PIGU: variants seen among roughly 807,000 people sequenced by gnomAD.
The protein encoded by PIGU is phosphatidylinositol glycan anchor biosynthesis class U.
A neutral mutation model predicts 49.9 loss-of-function variants in PIGU; 24 were observed. That is an observed-to-expected ratio of 0.48 (90% confidence interval 0.35 to 0.68). The LOEUF (loss-of-function observed/expected upper bound fraction) is 0.68, where lower values mean the gene tolerates loss of function less well. Ranked by LOEUF, PIGU falls within the 30% of genes least tolerant of loss-of-function variation. The pLI is 0.01. For missense variants in PIGU, 490 were observed against 532.6 expected, an observed-to-expected ratio of 0.92 and a Z score of 0.79; for synonymous variants, 220 against 205.7, an observed-to-expected ratio of 1.07 and a Z score of -0.59.
At chr20:34,660,529 G>A (rs918004071) in intron 1 of PIGU, among the ~76,000 whole-genome samples, 7 of 152,230 alleles carry the variant, frequency 4.6e-5, no homozygotes, top group Admixed American at 1.3e-4. Context: ...AGGTTGCAAT[G>A]AGCCAAGATT....
intron 1 of PIGU, among the ~76,000 whole-genome samples, chr20:34,670,736 G>A (rs888532789): frequency 6.6e-6 from 1 of 151,856 alleles, no homozygotes; most frequent in African/African-American, 2.4e-5. Flanking sequence ...TAGAGGTGGG[G>A]TTTCACCATG....
Position 34,654,735 on chromosome 20 carries a change from G to A in PIGU, c.195+2445C>T, listed in dbSNP as rs367804458. 3.4e-4 allele frequency among the ~76,000 whole-genome samples: 41 copies of A among 120,546 alleles called. 10 individuals are homozygous for A. The highest frequency in any genetic ancestry group is 1.3e-3 in the African/African-American group (41 of 32,780). 79.1% of individuals were successfully genotyped at this position (120,546 alleles called of 152,430 possible). A position where few individuals can be genotyped will look rare whatever the true frequency, so the allele number is the denominator to read the frequency against. On this transcript the variant is annotated intron_variant, in intron 2 of 11. Coordinates refer to ENST00000217446, the MANE Select transcript of PIGU (RefSeq NM_080476.5). ...ATAAAAATTAAGGCCAGCCAGGAAC[G>A]GTGACTCACAGCTGTAATCCCAGCA... is the stretch of plus-strand genomic sequence containing the variant.
Position 34,637,807 on chromosome 20 carries a change from A to G in PIGU, c.428+69T>C, listed in dbSNP as rs1600649796. The G allele has an allele frequency of 2.5e-6, 4 of 1,587,296 alleles. No homozygotes were observed. In the East Asian group the frequency reaches 9.0e-5, roughly 36 times the overall value. On this transcript the variant is annotated intron_variant, in intron 5 of 11. Transcript: ENST00000217446. ...AATCTCCAAAAATACAACAAACAAC[A>G]TGGGAAAGTCTCATCAGATTTTCCT...
intron 11 of PIGU, 37 bp from the exon 12 acceptor site, chr20:34,561,016 A>G: frequency 7.0e-7 from 1 of 1,433,638 alleles, no homozygotes; most frequent in South Asian, 1.2e-5. Context: ...GCTGCTGGGT[A>G]CCTCCCCCTA....
intron 1 of PIGU, among the ~76,000 whole-genome samples, chr20:34,664,604 G>A (rs527586181): frequency 6.6e-6 from 1 of 152,164 alleles, no homozygotes; most frequent in Admixed American, 6.5e-5. Flanking sequence ...GGAGGTGGAG[G>A]TTGCAGTGAG....
Position 34,668,478 on chromosome 20 carries a change from AAAAAAG to A in PIGU, c.130+8472_130+8477del, listed in dbSNP as rs1301502956. On this transcript the variant is annotated intron_variant, in intron 1 of 11. Coordinates refer to ENST00000217446, the MANE Select transcript of PIGU (RefSeq NM_080476.5). ...CTCCGTCTCAAAAAAAAAAAAAAAA[AAAAAAG>A]GGGGGGGCGGGCGTGCTGGCTCACA... 5.6e-3 allele frequency among the ~76,000 whole-genome samples: 757 copies of A among 134,168 alleles called. 9 individuals are homozygous for A. The highest frequency in any genetic ancestry group is 0.023 in the African/African-American group (731 of 32,250). 88.0% of individuals were successfully genotyped at this position (134,168 alleles called of 152,430 possible).
chr20:34,595,142 A>C (rs2146720831), intron 7 of PIGU, among the ~76,000 whole-genome samples: 1 of 151,526 alleles, frequency 6.6e-6, no homozygotes, highest in East Asian at 1.9e-4. Context: ...ACATATATAC[A>C]TGTATCTATT....
chr20:34,660,819 C>G (rs183566673), intron 1 of PIGU, among the ~76,000 whole-genome samples: 1 of 152,110 alleles, frequency 6.6e-6, no homozygotes, highest in African/African-American at 2.4e-5. Context: ...AGTGGAATCA[C>G]AGGTTGGATA....
chr20:34,665,728 C>T (rs1247949153), intron 1 of PIGU, among the ~76,000 whole-genome samples: 1 of 152,120 alleles, frequency 6.6e-6, no homozygotes, highest in African/African-American at 2.4e-5. Context: ...CGATTAAAAA[C>T]TGTGACCTGG....
intron 4 of PIGU, among the ~76,000 whole-genome samples, chr20:34,642,999 A>G (rs1986218344): frequency 6.6e-6 from 1 of 152,068 alleles, no homozygotes; most frequent in South Asian, 2.1e-4. Flanking sequence ...GCTAATTTAT[A>G]TCTGAATTCC....
intron 2 of PIGU, among the ~76,000 whole-genome samples, chr20:34,650,707 T>C (rs1238746070): frequency 2.4e-5 from 2 of 85,030 alleles, no homozygotes; most frequent in South Asian, 4.6e-4. Flanking sequence ...TCTCTTTTTT[T>C]TTTTTTTTTT....
intron 1 of PIGU, among the ~76,000 whole-genome samples, chr20:34,666,684 A>ATT (rs1465356962): frequency 7.5e-6 from 1 of 133,092 alleles, no homozygotes; most frequent in Admixed American, 7.5e-5. Context: ...CACCTGACTA[A>ATT]TTCTTTTTTT....
At chr20:34,570,565 C>A (rs1982966170) in intron 11 of PIGU, among the ~76,000 whole-genome samples, 1 of 152,176 alleles carries the variant, frequency 6.6e-6, no homozygotes, top group Non-Finnish European at 1.5e-5. Context: ...CAGGCGCGTG[C>A]CACCACATCC....
At chr20:34,568,894 A>G (rs1352464202) in intron 11 of PIGU, among the ~76,000 whole-genome samples, 3 of 152,136 alleles carry the variant, frequency 2.0e-5, no homozygotes, top group African/African-American at 7.2e-5. Context: ...AGGGTTCCAG[A>G]TGATCCAGAT....
intron 8 of PIGU, among the ~76,000 whole-genome samples, chr20:34,588,160 G>A (rs908695752): frequency 1.3e-5 from 2 of 152,090 alleles, no homozygotes; most frequent in African/African-American, 4.8e-5. Flanking sequence ...GCTGAGGCAG[G>A]GGAATCACTT....
chr20:34,589,165 A>T (rs912057707), intron 7 of PIGU, among the ~76,000 whole-genome samples: 3 of 151,952 alleles, frequency 2.0e-5, no homozygotes, highest in African/African-American at 7.3e-5. Context: ...AAGTTTCATA[A>T]AACATAGATT....
At chr20:34,618,118 A>G (rs1324825433) in intron 6 of PIGU, among the ~76,000 whole-genome samples, 2 of 152,170 alleles carry the variant, frequency 1.3e-5, no homozygotes, top group East Asian at 3.8e-4. Flanking sequence ...AAATAAATAG[A>G]AGACTAAAAC....
intron 6 of PIGU, among the ~76,000 whole-genome samples, chr20:34,624,331 G>A (rs1985370549): frequency 6.6e-6 from 1 of 152,218 alleles, no homozygotes; most frequent in Non-Finnish European, 1.5e-5. Context: ...AGGAAACTGA[G>A]GCTTAGAATT....
At chr20:34,670,007 T>C (rs1987256045) in intron 1 of PIGU, among the ~76,000 whole-genome samples, 2 of 152,190 alleles carry the variant, frequency 1.3e-5, no homozygotes, top group East Asian at 1.9e-4. Context: ...CATATAAAAG[T>C]CAGGATAATA....
Sources: allele counts gnomAD v4.1 joint callset (sites outside exome capture counted in the v4.1 genomes callset), GRCh38; gene constraint gnomAD v4.1.1; transcripts MANE v1.5; gene names NCBI Gene and HGNC (gene_info 2026-07-23, HGNC 2026-07-21).